The following SNTG2 variants were observed in gnomAD, a reference collection of about 807,000 sequenced individuals.
SNTG2 encodes syntrophin gamma 2, also known as gamma-2-syntrophin.
Under a neutral mutation model 70.9 loss-of-function variants are expected in SNTG2, and 74 were observed. That is an observed-to-expected ratio of 1.04 (90% confidence interval 0.86 to 1.27). The LOEUF (loss-of-function observed/expected upper bound fraction) is 1.27. Among genes scored for constraint, SNTG2 ranks in the 50% most tolerant of loss-of-function variants. SNTG2 has a pLI of 0.00. For synonymous variants in SNTG2, 278 were observed against 273.8 expected (o/e 1.02, Z -0.15); for missense variants, 717 against 690.7 (o/e 1.04, Z -0.43).
At chr2:1,251,437 CACACACACCACACACT>C (rs1450259336) in intron 12 of SNTG2, among the ~76,000 whole-genome samples, 2 of 119,940 alleles carry the variant, frequency 1.7e-5, no homozygotes, top group Admixed American at 8.2e-5. Context: ...CACCACACAC[CACACACACCACACACT>C]ACACACACCA....
intron 14 of SNTG2, among the ~76,000 whole-genome samples, chr2:1,308,052 T>G (rs1680789779): frequency 6.6e-6 from 1 of 152,236 alleles, no homozygotes; most frequent in South Asian, 2.1e-4. Flanking sequence ...CTTCAGAATT[T>G]TCTCAGGAAA....
intron 2 of SNTG2, among the ~76,000 whole-genome samples, chr2:1,086,277 G>T (rs1267448968): frequency 6.6e-6 from 1 of 152,178 alleles, no homozygotes; most frequent in Non-Finnish European, 1.5e-5. Flanking sequence ...CAGCCCAGGG[G>T]CTGAGCCAGA....
chr2:1,281,210 T>TGTG (rs1679499043), intron 14 of SNTG2, among the ~76,000 whole-genome samples: 1 of 146,752 alleles, frequency 6.8e-6, no homozygotes, highest in South Asian at 2.2e-4. Flanking sequence ...TGGTGTGTGG[T>TGTG]GTGTGTGTGT....
At chr2:1,271,321 GTCA>G (rs1002678785) in intron 14 of SNTG2, among the ~76,000 whole-genome samples, 1 of 151,996 alleles carries the variant, frequency 6.6e-6, no homozygotes, top group African/African-American at 2.4e-5. Context: ...TTATTGAAAA[GTCA>G]TCACATATGC....
At chr2:1,325,226 ACT>A (rs915335099) in intron 16 of SNTG2, among the ~76,000 whole-genome samples, 5 of 152,312 alleles carry the variant, frequency 3.3e-5, no homozygotes, top group Admixed American at 2.6e-4. Context: ...TATGCAAATA[ACT>A]CTGTCACCAT....
At chr2:1,198,571 C>G (rs1044501760) in intron 8 of SNTG2, among the ~76,000 whole-genome samples, 2 of 151,648 alleles carry the variant, frequency 1.3e-5, no homozygotes, top group African/African-American at 4.8e-5. Context: ...ATACAGAGAT[C>G]AGAGCAGAAT....
At chr2:956,147 C>T (rs868799690) in intron 1 of SNTG2, among the ~76,000 whole-genome samples, 17 of 47,980 alleles carry the variant, frequency 3.5e-4, no homozygotes, top group Non-Finnish European at 8.3e-4. Context: ...CACCGCGCCC[C>T]GCCCCTGCCC....
chr2:1,209,200 C>T lies in SNTG2; in HGVS notation c.689C>T (p.Ser230Leu). The change falls in exon 9 of 17, where the codon TCA becomes TTA. Residue 230 changes from serine to leucine, a missense_variant. By Grantham distance (145) the Ser-to-Leu change is moderately radical. Transcript: ENST00000308624. ...GTGCCTCTGTCCATGGCTCGCATCT[C>T]AAGGTACAAAGCCGGAACGGAAAAA... ...LSVPLSMARI[S>L]RYKAGTEKLR... is the part of the protein sequence containing the mutation. The T allele has an allele frequency of 6.2e-7, 1 of 1,613,948 alleles. No individual in the cohort carries two copies. Among genetic ancestry groups the T allele is most frequent in the Non-Finnish European group, 8.5e-7 (1 of 1,179,886 alleles).
intron 14 of SNTG2, among the ~76,000 whole-genome samples, chr2:1,284,345 G>C (rs1413602996): frequency 6.6e-6 from 1 of 152,180 alleles, no homozygotes; most frequent in Non-Finnish European, 1.5e-5. Context: ...GATTCTGGCG[G>C]GTGCTGATAG....
chr2:1,194,726 C>CTTAT (rs1384000309), intron 8 of SNTG2, among the ~76,000 whole-genome samples: 1 of 151,934 alleles, frequency 6.6e-6, no homozygotes, highest in Non-Finnish European at 1.5e-5. Flanking sequence ...GCTGATCAGG[C>CTTAT]TTATTTATTT....
At chr2:953,854 G>T (rs1375092306) in intron 1 of SNTG2, among the ~76,000 whole-genome samples, 1 of 152,060 alleles carries the variant, frequency 6.6e-6, no homozygotes, top group Non-Finnish European at 1.5e-5. Context: ...CTTGTCTCTG[G>T]ATATCTTTAT....
intron 9 of SNTG2, among the ~76,000 whole-genome samples, chr2:1,216,129 C>T (rs910841274): frequency 6.6e-6 from 1 of 152,212 alleles, no homozygotes; most frequent in Non-Finnish European, 1.5e-5. Context: ...GGAATCACCA[C>T]ACTGTCTTCC....
intron 4 of SNTG2, among the ~76,000 whole-genome samples, chr2:1,135,831 T>C (rs1668350134): frequency 6.6e-6 from 1 of 152,256 alleles, no homozygotes; most frequent in Non-Finnish European, 1.5e-5. Flanking sequence ...TCAATGCGTC[T>C]AAATGCACAG....
rs4324345 is a variant in SNTG2 at position 1,228,637 on chromosome 2, C to T, written c.720-9251C>T. On this transcript the variant is annotated intron_variant, in intron 9 of 16. Coordinates refer to ENST00000308624, the MANE Select transcript of SNTG2 (RefSeq NM_018968.4). Reference sequence around the variant, plus strand: ...CCGACTTTGGTGTTGGGTAAAAGCGCGGCCACGGCTTCTGTTGCTCCGTTC... The same window carrying T: ...CCGACTTTGGTGTTGGGTAAAAGCGTGGCCACGGCTTCTGTTGCTCCGTTC... 5.5e-3 allele frequency among the ~76,000 whole-genome samples: 831 copies of T among 152,320 alleles called. 7 individuals carry two copies. Among genetic ancestry groups the T allele is most frequent in the African/African-American group, 0.018 (766 of 41,568 alleles).
At chr2:988,508 G>A (rs562449075) in intron 1 of SNTG2, among the ~76,000 whole-genome samples, 2 of 152,236 alleles carry the variant, frequency 1.3e-5, no homozygotes, top group South Asian at 2.1e-4. Flanking sequence ...GTGAGGATGC[G>A]GGGTCAATAG....
chr2:1,191,313 A>G (rs561744976), intron 8 of SNTG2, among the ~76,000 whole-genome samples: 1 of 152,278 alleles, frequency 6.6e-6, no homozygotes, highest in South Asian at 2.1e-4. Flanking sequence ...GTGCATTTGA[A>G]TTGCTCTCAT....
intron 16 of SNTG2, among the ~76,000 whole-genome samples, chr2:1,356,727 A>G (rs1414576923): frequency 1.3e-5 from 2 of 152,166 alleles, no homozygotes; most frequent in Admixed American, 1.3e-4. Flanking sequence ...ATTTTGATGG[A>G]TGTTGCATTG....
chr2:969,114 A>G (rs1660659141), intron 1 of SNTG2, among the ~76,000 whole-genome samples: 1 of 152,136 alleles, frequency 6.6e-6, no homozygotes, highest in Admixed American at 6.5e-5. Context: ...CCATTTATTG[A>G]ATTGGAGGGT....
intron 4 of SNTG2, among the ~76,000 whole-genome samples, chr2:1,104,434 T>C (rs886977240): frequency 2.0e-5 from 3 of 152,230 alleles, no homozygotes; most frequent in Non-Finnish European, 4.4e-5. Context: ...CGAGATTTGA[T>C]TAATTCTCTC....
Sources: gnomAD v4.1 joint callset for allele counts (sites outside exome capture counted in the v4.1 genomes callset) on GRCh38, gnomAD v4.1.1 for gene constraint, MANE v1.5 for transcripts, NCBI Gene and HGNC (gene_info 2026-07-23, HGNC 2026-07-21) for gene names.